LRP8: variants seen among roughly 807,000 people sequenced by gnomAD.
LRP8 encodes the protein LDL receptor related protein 8.
In LRP8, 46 loss-of-function variants were observed where a neutral mutation model predicts 111.6. That is an observed-to-expected ratio of 0.41 (90% CI 0.33 to 0.53). The LOEUF is 0.53. Among genes scored for constraint, LRP8 ranks in the 20% least tolerant of loss-of-function variants. The pLI, the probability that LRP8 is intolerant of heterozygous loss-of-function variation, is 0.20. For missense variants in LRP8, 959 were observed against 1,297.4 expected (o/e 0.74, Z 4.01); for synonymous variants, 464 against 511.2 (o/e 0.91, Z 1.24).
chr1:53,308,375 A>G (rs1572651444), intron 2 of LRP8, among the ~76,000 whole-genome samples: 1 of 152,128 alleles, frequency 6.6e-6, no homozygotes, highest in East Asian at 1.9e-4. Flanking sequence ...GCCCCACCTT[A>G]TTCTCTAGGC....
At chr1:53,291,512 A>G (rs979372169) in intron 2 of LRP8, among the ~76,000 whole-genome samples, 2 of 152,050 alleles carry the variant, frequency 1.3e-5, no homozygotes, top group African/African-American at 2.4e-5. Context: ...ACCTTGCCCA[A>G]GCTGTCTTTA....
intron 3 of LRP8, among the ~76,000 whole-genome samples, chr1:53,286,968 G>A (rs1288510): frequency 0.55 from 84,031 of 152,178 alleles, 23,795 homozygotes; most frequent in East Asian, 0.91. Context: ...TTACAGATGA[G>A]TAAACTGAGG....
At chr1:53,252,441 C>T (rs1257257356) in intron 16 of LRP8, among the ~76,000 whole-genome samples, 1 of 151,902 alleles carries the variant, frequency 6.6e-6, no homozygotes, top group Admixed American at 6.6e-5. Context: ...GATGCTGAGG[C>T]AGGAGAATCC....
chr1:53,320,521 A>T (rs1461900161), intron 2 of LRP8, among the ~76,000 whole-genome samples: 4 of 152,186 alleles, frequency 2.6e-5, no homozygotes, highest in Admixed American at 2.6e-4. Flanking sequence ...ACAGAGAGTA[A>T]AAGAGATGAC....
chr1:53,288,827 T>C (rs1301604905), intron 3 of LRP8, among the ~76,000 whole-genome samples: 1 of 152,208 alleles, frequency 6.6e-6, no homozygotes, highest in Non-Finnish European at 1.5e-5. Context: ...TCCTTTTTAA[T>C]TTAACAAATG....
chr1:53,273,250 TGGAA>T (rs1459449605), intron 6 of LRP8, among the ~76,000 whole-genome samples: 1 of 151,974 alleles, frequency 6.6e-6, no homozygotes, highest in African/African-American at 2.4e-5. Flanking sequence ...CTTCCTTCCA[TGGAA>T]GGAAGAAGTG....
rs779781220 is a variant in LRP8, at chr1:53,262,417, G to A, written c.1774+29C>T. The A allele has an allele frequency of 2.4e-5, 39 of 1,599,854 alleles. No homozygotes were observed. In the South Asian group the frequency reaches 4.1e-4, roughly 17 times the overall value. On this transcript the variant is annotated intron_variant, in intron 11 of 18. Transcript: ENST00000306052. This position sits in a 1 kb window ranked among gnomAD's most constrained non-coding sequence, Gnocchi z 4.8. ...TGATCAGGACAAGGCACTAGAATAG[G>A]CCCCCAACCCAGGAAAGGCAGGGCT...
chr1:53,266,434 C>A lies in LRP8; in HGVS notation c.1427+39G>T, dbSNP rs758734544. ...CTCACCTGTCACCACCCCTCACCCC[C>A]ACTCTTCATGCCTTGCTGCAGAGGA... is the stretch of plus-strand genomic sequence containing the variant. On this transcript the variant is annotated intron_variant, in intron 9 of 18. Coordinates refer to ENST00000306052, the MANE Select transcript of LRP8 (RefSeq NM_004631.5). The surrounding 1 kb of genome is among the most constrained non-coding windows in gnomAD (Gnocchi z 5.0). 1.2e-6 allele frequency: 2 copies of A among 1,602,246 alleles called. No homozygotes were observed. Among genetic ancestry groups the A allele is most frequent in the South Asian group, 1.1e-5 (1 of 90,294 alleles).
chr1:53,258,128 A>C, intron 14 of LRP8, 191 bp downstream of exon 14: 1 of 445,422 alleles, frequency 2.2e-6, no homozygotes, highest in Non-Finnish European at 3.9e-6. Context: ...GAGTGAGAAA[A>C]AGCTTTGGAA....
At chr1:53,253,067 G>GA (rs1366359123) in intron 16 of LRP8, among the ~76,000 whole-genome samples, 6 of 151,750 alleles carry the variant, frequency 4.0e-5, no homozygotes, top group Non-Finnish European at 7.4e-5. Context: ...GGTATATAGA[G>GA]AAAAAAACAG....
chr1:53,249,604 C>T lies in LRP8; in HGVS notation c.2677-48G>A. Reference sequence around the variant, plus strand: ...GATGACCTCTGAGGTCACACTCAGCCCCCTGACTGTGCTGTATAACAGTGA... The same window carrying T: ...GATGACCTCTGAGGTCACACTCAGCTCCCTGACTGTGCTGTATAACAGTGA... On this transcript the variant is annotated intron_variant, in intron 17 of 18. Coordinates refer to ENST00000306052, the MANE Select transcript of LRP8 (RefSeq NM_004631.5). This position sits in a 1 kb window ranked among gnomAD's most constrained non-coding sequence, Gnocchi z 4.1. 1 of 1,524,166 alleles carries T rather than the reference C, an allele frequency of 6.6e-7. No homozygotes were observed. The highest frequency in any genetic ancestry group is 8.8e-7 in the Non-Finnish European group (1 of 1,135,366). The allele number at this position is 1,524,166 out of a possible 1,614,324, so 94.4% of individuals were successfully genotyped here.
At chr1:53,270,282 C>T (rs1218130927) in intron 8 of LRP8, among the ~76,000 whole-genome samples, 2 of 152,172 alleles carry the variant, frequency 1.3e-5, no homozygotes, top group African/African-American at 4.8e-5. Flanking sequence ...GGGGAAATGC[C>T]TCTGCAGAAA....
At position 53,269,633 on chromosome 1, in the gene LRP8, C is replaced by T. The variant is rs145515453; in HGVS notation, c.1252+1395G>A. Among the ~76,000 whole-genome samples the T allele has an allele frequency of 2.0e-3, 311 of 152,224 alleles. 1 individual carries two copies. Among genetic ancestry groups the T allele is most frequent in the African/African-American group, 7.2e-3 (298 of 41,536 alleles). Reference sequence around the variant, plus strand: ...CCCACCCCCCTTCACCTTCTTTACTCAAATACCTTCTCAGTGAGGGCTTCC... The same window carrying T: ...CCCACCCCCCTTCACCTTCTTTACTTAAATACCTTCTCAGTGAGGGCTTCC... On this transcript the variant is annotated intron_variant, in intron 8 of 18. Coordinates refer to ENST00000306052, the MANE Select transcript of LRP8 (RefSeq NM_004631.5).
At chr1:53,311,513 C>A (rs1334618411) in intron 2 of LRP8, among the ~76,000 whole-genome samples, 1 of 152,142 alleles carries the variant, frequency 6.6e-6, no homozygotes, top group African/African-American at 2.4e-5. Flanking sequence ...TAGCTCTCTC[C>A]TCCCTCCATC....
At chr1:53,308,792 C>T (rs770712064) in intron 2 of LRP8, among the ~76,000 whole-genome samples, 163 of 152,328 alleles carry the variant, frequency 1.1e-3, no homozygotes, top group Non-Finnish European at 8.4e-4. Context: ...AAGGAGCTCT[C>T]ACACTAAGTC....
chr1:53,309,323 C>A (rs1652575502), intron 2 of LRP8, among the ~76,000 whole-genome samples: 1 of 152,132 alleles, frequency 6.6e-6, no homozygotes, highest in Non-Finnish European at 1.5e-5. Flanking sequence ...GAGGTGCTTC[C>A]CACCCCACTC....
At chr1:53,319,020 T>C (rs1654154930) in intron 2 of LRP8, among the ~76,000 whole-genome samples, 1 of 152,192 alleles carries the variant, frequency 6.6e-6, no homozygotes, top group South Asian at 2.1e-4. Flanking sequence ...TTACTTACCC[T>C]GGAAAACTAA....
chr1:53,270,937 G>A (rs1226593623), intron 8 of LRP8, 91 bp downstream of exon 8: 42 of 1,575,078 alleles, frequency 2.7e-5, no homozygotes, highest in South Asian at 4.5e-5. Flanking sequence ...TTGTGTGTGC[G>A]CACATGTACA....
intron 3 of LRP8, among the ~76,000 whole-genome samples, chr1:53,283,462 ACCCGGGCCACTTACTTACTACATAC>A (rs1207750005): frequency 6.8e-6 from 1 of 148,060 alleles, no homozygotes; most frequent in Admixed American, 6.7e-5. Flanking sequence ...CTTACTACAT[ACCCGGGCCACTTACTTACTACATAC>A]CCGGGCCACT....
Sources: gnomAD v4.1 joint callset for allele counts (sites outside exome capture counted in the v4.1 genomes callset) on GRCh38, gnomAD v4.1.1 for gene constraint, Gnocchi (gnomAD v3.1) non-coding constraint, MANE v1.5 for transcripts, NCBI Gene and HGNC (gene_info 2026-07-23, HGNC 2026-07-21) for gene names.